BRD1: variants seen among roughly 807,000 people sequenced by gnomAD.
The protein encoded by BRD1 is bromodomain containing 1.
BRD1 carries 24 observed loss-of-function variants against 107.7 expected under a neutral mutation model. That is an observed-to-expected ratio of 0.22 (90% CI 0.16 to 0.31). The LOEUF (loss-of-function observed/expected upper bound fraction) is 0.31. Ranked by LOEUF, BRD1 falls within the 10% of genes least tolerant of loss-of-function variation. The pLI is 1.00. For missense variants in BRD1, 1,279 were observed against 1,638.6 expected (o/e 0.78, Z 3.79); for synonymous variants, 744 against 686.1 (o/e 1.08, Z -1.32).
rs1162774328 is a variant in BRD1 at position 49,773,398 on chromosome 22, C to T, written c.*835G>A. The T allele has an allele frequency of 6.6e-6, 1 of 152,522 alleles. No individual in the cohort carries two copies. Among genetic ancestry groups the T allele is most frequent in the African/African-American group, 2.4e-5 (1 of 41,452 alleles). 9.4% of individuals were successfully genotyped at this position (152,522 alleles called of 1,614,324 possible). A position where few individuals can be genotyped will look rare whatever the true frequency, so the allele number is the denominator to read the frequency against. On this transcript the variant is annotated 3_prime_UTR_variant, in exon 13 of 13. Transcript: ENST00000404760. ...AAAAATAAAGTACTAATTCTATATA[C>T]ATCACAGGTACCATACAAAAATGTA...
At chr22:49,780,719 A>T (rs1045505181) in intron 8 of BRD1, among the ~76,000 whole-genome samples, 4 of 152,160 alleles carry the variant, frequency 2.6e-5, no homozygotes, top group African/African-American at 9.7e-5. Context: ...AGATCTCTCA[A>T]TCTCGGCCCT....
At chr22:49,775,857 G>GGACCCGCAGGCGCCACGAGAGCCGT in intron 11 of BRD1, 112 bp from the exon 12 acceptor site, 1 of 1,115,164 alleles carries the variant, frequency 9.0e-7, no homozygotes, top group South Asian at 2.2e-5. Context: ...AGCCTCCTCA[G>GGACCCGCAGGCGCCACGAGAGCCGT]ACCACCCCCA....
rs984320013 is a variant in BRD1, at chr22:49,775,679, G to A, written c.3298C>T (p.Leu1100=). ...TGCTCCCCAATCTTCAGCACGTCCA[G>A]GGGTGGGGCCGGGATGGTGACGCCG... is the stretch of plus-strand genomic sequence containing the variant. The part of the protein sequence containing the change: ...HNGVTIPAPP[L]DVLKIGEHMQ... The change falls in exon 12 of 13, where the codon CTG becomes TTG. Residue 1100 remains leucine (L), a synonymous_variant. Transcript: ENST00000404760. 3 of 1,613,692 alleles carry A rather than the reference G, an allele frequency of 1.9e-6. No individual in the cohort carries two copies. The African/African-American group carries it at 4.0e-5, about 22-fold the overall frequency.
chr22:49,793,946 G>C, intron 7 of BRD1, 88 bp downstream of exon 7: 3 of 1,512,596 alleles, frequency 2.0e-6, no homozygotes, highest in Non-Finnish European at 2.7e-6. Flanking sequence ...CACCAACGCT[G>C]CTGCCCGTGT....
At chr22:49,786,356 A>C (rs1303603509) in intron 8 of BRD1, among the ~76,000 whole-genome samples, 1 of 152,090 alleles carries the variant, frequency 6.6e-6, no homozygotes, top group Non-Finnish European at 1.5e-5. Context: ...GCTTCCTCTG[A>C]GGGGCGGGGA....
chr22:49,790,541 C>T (rs2059414623), intron 7 of BRD1, among the ~76,000 whole-genome samples: 1 of 152,232 alleles, frequency 6.6e-6, no homozygotes, highest in African/African-American at 2.4e-5. Context: ...TAATCCAAAC[C>T]AGCTACTCTA....
intron 3 of BRD1, among the ~76,000 whole-genome samples, chr22:49,799,771 C>G (rs2059608243): frequency 6.6e-6 from 1 of 152,234 alleles, no homozygotes; most frequent in African/African-American, 2.4e-5. Flanking sequence ...ACATCCACAC[C>G]AGGGTGATCA....
At chr22:49,816,169 A>C (rs1394937951) in intron 2 of BRD1, among the ~76,000 whole-genome samples, 1 of 152,174 alleles carries the variant, frequency 6.6e-6, no homozygotes. Flanking sequence ...AGAAACATGG[A>C]GGAAAAAAAG....
chr22:49,782,065 T>C (rs1256736235), intron 8 of BRD1, among the ~76,000 whole-genome samples: 1 of 148,952 alleles, frequency 6.7e-6, no homozygotes, highest in African/African-American at 2.5e-5. Flanking sequence ...AAGGCCTATG[T>C]TGCTGGGACC....
At chr22:49,799,349 G>T (rs975845299) in intron 3 of BRD1, among the ~76,000 whole-genome samples, 1 of 152,144 alleles carries the variant, frequency 6.6e-6, no homozygotes, top group Non-Finnish European at 1.5e-5. Flanking sequence ...CCAGGCCAAG[G>T]TGAGCAGGGG....
intron 2 of BRD1, chr22:49,817,272 A>G (rs2059971023): frequency 5.6e-6 from 1 of 177,782 alleles, no homozygotes; most frequent in Non-Finnish European, 1.2e-5. Flanking sequence ...GGGGAGCTCA[A>G]AAGGATGGCA....
chr22:49,788,706 G>A (rs1385774539), intron 7 of BRD1, among the ~76,000 whole-genome samples: 1 of 152,162 alleles, frequency 6.6e-6, no homozygotes, highest in Non-Finnish European at 1.5e-5. Flanking sequence ...AGGCTAACAG[G>A]GCGAGGCGAC....
chr22:49,812,477 A>G (rs1056344590), intron 2 of BRD1, among the ~76,000 whole-genome samples: 1 of 152,182 alleles, frequency 6.6e-6, no homozygotes, highest in Admixed American at 6.5e-5. Flanking sequence ...AGGCTGAGGC[A>G]TGAGACTCAC....
chr22:49,776,279 T>G, intron 10 of BRD1, 120 bp from the exon 11 acceptor site: 1 of 813,366 alleles, frequency 1.2e-6, no homozygotes, highest in Non-Finnish European at 2.0e-6. Context: ...TCCCAGGCCT[T>G]TCTCAGCCAC....
intron 6 of BRD1, among the ~76,000 whole-genome samples, 155 bp downstream of exon 6, chr22:49,797,650 T>C (rs1435850812): frequency 6.6e-6 from 1 of 152,240 alleles, no homozygotes; most frequent in Admixed American, 6.5e-5. Context: ...TCTTTTCCAT[T>C]TTTCAGTGAG....
rs1200394205 is a variant in BRD1, at chr22:49,827,771, CGCGGGCGCGGGA to C, written c.-301_-290del. On this transcript the variant is annotated 5_prime_UTR_variant, in exon 1 of 13. Transcript: ENST00000404760. ...GGGGGGCCCGGCCGGCGGGCGCGGG[CGCGGGCGCGGGA>C]GCGGGCGGCGGGCGGCGGGCGCGGG... is the stretch of plus-strand genomic sequence containing the variant. Among the ~76,000 whole-genome samples the C allele has an allele frequency of 1.4e-3, 196 of 139,408 alleles. No individual in the cohort carries two copies. Among genetic ancestry groups the C allele is most frequent in the Middle Eastern group, 7.6e-3 (2 of 262 alleles). 91.5% of individuals were successfully genotyped at this position (139,408 alleles called of 152,430 possible). A position where few individuals can be genotyped will look rare whatever the true frequency, so the allele number is the denominator to read the frequency against.
At chr22:49,797,548 T>A (rs376546988) in intron 6 of BRD1, among the ~76,000 whole-genome samples, 3 of 152,126 alleles carry the variant, frequency 2.0e-5, no homozygotes, top group Non-Finnish European at 2.9e-5. Context: ...AGCTTATATA[T>A]CCTCAGTAAC....
rs2059359985 is a variant in BRD1, at chr22:49,787,820, A to G, written c.2427T>C (p.Asn809=). The part of the protein sequence containing the change: ...ALPLPSNSET[N]SEPPTLKPVE... ...CTGGTTTGAGGGTTGGTGGTTCTGAATTAGTCTCCGAGTTTGAAGGAAGAG... is the reference window on the plus strand; with the variant it reads ...CTGGTTTGAGGGTTGGTGGTTCTGAGTTAGTCTCCGAGTTTGAAGGAAGAG... The change falls in exon 8 of 13, where the codon AAT becomes AAC. Residue 809 remains asparagine (N), a synonymous_variant. Transcript: ENST00000404760. 6.4e-7 allele frequency: 1 copy of G among 1,550,672 alleles called. No individual in the cohort carries two copies. Among genetic ancestry groups the G allele is most frequent in the Non-Finnish European group, 8.7e-7 (1 of 1,147,000 alleles).
At chr22:49,785,956 G>A (rs1347811463) in intron 8 of BRD1, among the ~76,000 whole-genome samples, 3 of 152,144 alleles carry the variant, frequency 2.0e-5, no homozygotes, top group Admixed American at 6.5e-5. Flanking sequence ...AGATGTGAGG[G>A]AGTGGCCTGG....
Sources: gnomAD v4.1 joint callset for allele counts (sites outside exome capture counted in the v4.1 genomes callset) on GRCh38, gnomAD v4.1.1 for gene constraint, MANE v1.5 for transcripts, NCBI Gene and HGNC (gene_info 2026-07-23, HGNC 2026-07-21) for gene names.